Variants in REV3L observed in about 807,000 individuals in gnomAD.
REV3L encodes DNA polymerase zeta catalytic subunit.
REV3L carries 69 observed loss-of-function variants against 299.4 expected under a neutral mutation model. That is an observed-to-expected ratio of 0.23 (90% confidence interval 0.19 to 0.28). REV3L has a LOEUF of 0.28. Ranked by LOEUF, REV3L falls within the 10% of genes least tolerant of loss-of-function variation. REV3L has a pLI of 1.00. For missense variants in REV3L, 3,128 were observed against 3,693.8 expected (o/e 0.85, Z 3.97); for synonymous variants, 1,238 against 1,271.4 (o/e 0.97, Z 0.56).
chr6:111,377,580 T>C (rs1780439159), intron 12 of REV3L, 121 bp downstream of exon 12: 1 of 974,628 alleles, frequency 1.0e-6, no homozygotes, highest in Non-Finnish European at 1.5e-6. Context: ...CAAGTGATCC[T>C]CTCACCTTGG....
At chr6:111,416,258 A>G (rs769779104) in intron 2 of REV3L, 25 bp downstream of exon 2, 3 of 1,462,214 alleles carry the variant, frequency 2.1e-6, no homozygotes, top group East Asian at 2.5e-5. Context: ...AACAGAAATT[A>G]TAAAATATAT....
chr6:111,415,773 T>G (rs1173771683), intron 2 of REV3L, among the ~76,000 whole-genome samples: 1 of 152,154 alleles, frequency 6.6e-6, no homozygotes, highest in Non-Finnish European at 1.5e-5. Flanking sequence ...TCTAAAATTG[T>G]CACTAGTCTA....
intron 5 of REV3L, among the ~76,000 whole-genome samples, chr6:111,390,658 G>A (rs918042173): frequency 3.3e-5 from 5 of 152,146 alleles, no homozygotes; most frequent in African/African-American, 1.2e-4. Context: ...CATTCTTCCT[G>A]CCCTCAACTA....
intron 26 of REV3L, among the ~76,000 whole-genome samples, chr6:111,320,492 G>T (rs1362141347): frequency 6.6e-6 from 1 of 152,154 alleles, no homozygotes; most frequent in East Asian, 1.9e-4. Flanking sequence ...ACAAGGCAAA[G>T]TAATTACTAA....
chr6:111,463,280 A>G (rs1049661477), intron 1 of REV3L, among the ~76,000 whole-genome samples: 1 of 152,204 alleles, frequency 6.6e-6, no homozygotes, highest in African/African-American at 2.4e-5. Context: ...CTGATATTCT[A>G]CCTTATCAAG....
At chr6:111,361,199 T>G (rs1011714378) in intron 16 of REV3L, 1 of 151,190 alleles carries the variant, frequency 6.6e-6, no homozygotes, top group African/African-American at 2.4e-5. Context: ...GTCTGGCAAA[T>G]GTAGCGAAAC....
rs1196350500 is a variant in REV3L, at chr6:111,374,267, T to C, written c.4088A>G (p.Asn1363Ser). ...LIQKNIFDLSNHLSQVAQNTQ... is the reference protein window; with the variant it reads ...LIQKNIFDLSSHLSQVAQNTQ... Reference sequence around the variant, plus strand: ...ATTCTGTGCTACCTGAGATAAATGATTGGAAAGGTCAAATATATTTTTTTG... The same window carrying C: ...ATTCTGTGCTACCTGAGATAAATGACTGGAAAGGTCAAATATATTTTTTTG... The change falls in exon 13 of 32, where the codon AAT (asparagine) becomes AGT (serine). Residue 1363 changes from asparagine (N) to serine (S), a missense_variant. Asn to Ser is a conservative substitution (Grantham distance 46, BLOSUM62 1). Around this residue, in one of 9 missense-constraint regions of REV3L, gnomAD observed 2,409 missense variants for 2,611.8 expected, o/e 0.92. Coordinates refer to ENST00000368802, the MANE Select transcript of REV3L (RefSeq NM_001372078.1). 1.2e-6 allele frequency: 2 copies of C among 1,613,578 alleles called. No homozygotes were observed. The highest frequency in any genetic ancestry group is 2.7e-5 in the African/African-American group (2 of 74,910).
At chr6:111,446,931 G>A (rs945238318) in intron 1 of REV3L, among the ~76,000 whole-genome samples, 4 of 152,076 alleles carry the variant, frequency 2.6e-5, no homozygotes, top group South Asian at 2.1e-4. Flanking sequence ...GAATAACTTC[G>A]TGTAAATCTA....
chr6:111,326,615 A>ACCCC (rs1562125992), intron 25 of REV3L, among the ~76,000 whole-genome samples: 2 of 145,564 alleles, frequency 1.4e-5, no homozygotes, highest in African/African-American at 2.5e-5. Context: ...ACCCCCCCCA[A>ACCCC]AAAAAAAAAT....
At chr6:111,473,052 C>A (rs1213794843) in intron 1 of REV3L, among the ~76,000 whole-genome samples, 15 of 152,164 alleles carry the variant, frequency 9.9e-5, no homozygotes, top group Admixed American at 9.2e-4. Flanking sequence ...CTTATTATCA[C>A]TATGATGTTA....
chr6:111,367,059 T>G (rs1435379377), intron 14 of REV3L, 56 bp downstream of exon 14: 5 of 1,369,960 alleles, frequency 3.6e-6, no homozygotes, highest in Middle Eastern at 1.9e-4. Flanking sequence ...TAATGTTATC[T>G]TCATTTCTAT....
chr6:111,375,553 T>A lies in REV3L; in HGVS notation c.2802A>T (p.Ser934=), dbSNP rs144205104. Residue 934 remains serine, a synonymous_variant, in exon 13 of 32, where the codon TCA becomes TCT. Transcript: ENST00000368802. ...TTTTTGAGTTGTGAGTTACAAAACTTGACTCACTGTCTTCAGTCTCATAAT... is the reference window on the plus strand; with the variant it reads ...TTTTTGAGTTGTGAGTTACAAAACTAGACTCACTGTCTTCAGTCTCATAAT... The part of the protein sequence containing the change: ...KVNYETEDSE[S]SFVTHNSKIS... The A allele has an allele frequency of 8.4e-5, 135 of 1,613,578 alleles. No homozygotes were observed. Among genetic ancestry groups the A allele is most frequent in the Admixed American group, 3.3e-5 (2 of 59,958 alleles).
At chr6:111,402,280 T>C in intron 4 of REV3L, among the ~76,000 whole-genome samples, 1 of 151,828 alleles carries the variant, frequency 6.6e-6, no homozygotes, top group Non-Finnish European at 1.5e-5. Flanking sequence ...GAAAAAAAAA[T>C]GTCTGAAGTA....
intron 31 of REV3L, among the ~76,000 whole-genome samples, chr6:111,303,003 C>T (rs1771750297): frequency 6.6e-6 from 1 of 151,874 alleles, no homozygotes; most frequent in Admixed American, 6.6e-5. Context: ...GGTCTGCCAT[C>T]TAGAATCTGA....
chr6:111,365,328 C>A lies in REV3L; in HGVS notation c.6690G>T (p.Lys2230Asn). ...TATTACTTCCTTTCTTATTACTCAACTTCTGTGTTTTTGGTTCTGTAGAAA... is the reference window on the plus strand; with the variant it reads ...TATTACTTCCTTTCTTATTACTCAAATTCTGTGTTTTTGGTTCTGTAGAAA... The part of the protein sequence containing the change: ...SPLSTEPKTQ[K>N]LSNKKGSNTD... The change falls in exon 15 of 32, where the codon AAG (lysine) becomes AAT (asparagine). Residue 2230 changes from lysine (K) to asparagine (N), a missense_variant. Transcript: ENST00000368802. The A allele has an allele frequency of 1.3e-6, 2 of 1,570,822 alleles. No individual in the cohort carries two copies. Among genetic ancestry groups the A allele is most frequent in the Non-Finnish European group, 1.7e-6 (2 of 1,158,324 alleles).
rs186057472 is a variant in REV3L, at chr6:111,347,432, G to C, written c.7419+1786C>G. Among the ~76,000 whole-genome samples the C allele has an allele frequency of 1.3e-3, 204 of 151,854 alleles. 1 individual carries two copies. Among genetic ancestry groups the C allele is most frequent in the African/African-American group, 4.6e-3 (192 of 41,434 alleles). ...TATTATTTTAAGAACAACACAACAA[G>C]ATAAAATCATTCTCAAGCAGAGTCA... On this transcript the variant is annotated intron_variant, in intron 20 of 31. Coordinates refer to ENST00000368802, the MANE Select transcript of REV3L (RefSeq NM_001372078.1).
At chr6:111,462,211 G>C (rs7764591) in intron 1 of REV3L, among the ~76,000 whole-genome samples, 61,087 of 151,970 alleles carry the variant, frequency 0.4, 14,866 homozygotes, top group Non-Finnish European at 0.54. Flanking sequence ...ATTAATAAGT[G>C]ATACAATGGA....
chr6:111,387,913 T>C lies in REV3L; in HGVS notation c.948A>G (p.Val316=). Reference sequence around the variant, plus strand: ...TGTAGTCCACAGATCCTGATAATGTTCTGCTTAATTAAAACATATCCTTTA... The same window carrying C: ...TGTAGTCCACAGATCCTGATAATGTCCTGCTTAATTAAAACATATCCTTTA... ...QEILKQNDFS[V]TLSGSVDYSD... Residue 316 remains valine, a splice_region_variant and synonymous_variant, in exon 9 of 32, where the codon GTA becomes GTG. Coordinates refer to ENST00000368802, the MANE Select transcript of REV3L (RefSeq NM_001372078.1). 1 of 1,613,830 alleles carries C rather than the reference T, an allele frequency of 6.2e-7. No individual in the cohort carries two copies. The highest frequency in any genetic ancestry group is 8.5e-7 in the Non-Finnish European group (1 of 1,179,796).
chr6:111,352,511 T>C (rs240993), intron 18 of REV3L, among the ~76,000 whole-genome samples: 82,039 of 151,926 alleles, frequency 0.54, 26,211 homozygotes, highest in Non-Finnish European at 0.73. Context: ...TAGGTCATTG[T>C]GTTGCCACTT....
Sources: allele counts gnomAD v4.1 joint callset (sites outside exome capture counted in the v4.1 genomes callset), GRCh38; gene constraint gnomAD v4.1.1; regional missense constraint gnomAD v4.1.1; transcripts MANE v1.5; gene names NCBI Gene and HGNC (gene_info 2026-07-23, HGNC 2026-07-21).